SNX29: variants seen among roughly 807,000 people sequenced by gnomAD.
The protein encoded by SNX29 is sorting nexin 29, also known as sorting nexin-29.
In SNX29, 78 loss-of-function variants were observed where a neutral mutation model predicts 102.1. That is an observed-to-expected ratio of 0.76 (90% CI 0.64 to 0.92). The LOEUF (loss-of-function observed/expected upper bound fraction) is 0.92. Ranked by LOEUF, SNX29 falls within the 40% of genes least tolerant of loss-of-function variation. The pLI is 0.00. For missense variants in SNX29, 1,280 were observed against 1,061.7 expected (o/e 1.21, Z -2.86); for synonymous variants, 580 against 414.5 (o/e 1.40, Z -4.85).
chr16:12,385,425 G>A (rs950946598), intron 16 of SNX29, among the ~76,000 whole-genome samples: 3 of 152,112 alleles, frequency 2.0e-5, no homozygotes, highest in African/African-American at 4.8e-5. Context: ...TTCATGGGGC[G>A]GTGGAATTCA....
chr16:12,271,038 C>CA (rs1157297045), intron 14 of SNX29, among the ~76,000 whole-genome samples: 8 of 151,842 alleles, frequency 5.3e-5, no homozygotes, highest in African/African-American at 1.9e-4. Flanking sequence ...ACGAGACTCT[C>CA]AAAAAAATCA....
chr16:12,366,121 A>G (rs76120597), intron 16 of SNX29, among the ~76,000 whole-genome samples: 1 of 149,508 alleles, frequency 6.7e-6, no homozygotes, highest in Non-Finnish European at 1.5e-5. Flanking sequence ...ATATATTTTT[A>G]AAAAAGGACC....
intron 7 of SNX29, among the ~76,000 whole-genome samples, chr16:12,050,721 T>G (rs571095861): frequency 6.6e-6 from 1 of 152,268 alleles, no homozygotes; most frequent in East Asian, 1.9e-4. Context: ...CTGCCACTTT[T>G]TTTTTTTGGA....
At chr16:12,178,655 A>G (rs1327982045) in intron 13 of SNX29, among the ~76,000 whole-genome samples, 2 of 152,240 alleles carry the variant, frequency 1.3e-5, no homozygotes, top group Non-Finnish European at 2.9e-5. Context: ...CTTCCAGGGT[A>G]TGGCCCGGGC....
intron 3 of SNX29, among the ~76,000 whole-genome samples, chr16:12,015,006 T>G (rs1349206643): frequency 6.6e-6 from 1 of 152,070 alleles, no homozygotes; most frequent in East Asian, 1.9e-4. Context: ...TCCCGTTTTT[T>G]CTGTCCTGTA....
intron 19 of SNX29, among the ~76,000 whole-genome samples, chr16:12,507,980 C>T (rs770089905): frequency 2.0e-5 from 3 of 152,204 alleles, no homozygotes; most frequent in Non-Finnish European, 4.4e-5. Context: ...AGCAGAGTAG[C>T]TGGGCCTGGA....
At chr16:12,212,915 A>G (rs1267442484) in intron 14 of SNX29, among the ~76,000 whole-genome samples, 1 of 152,164 alleles carries the variant, frequency 6.6e-6, no homozygotes, top group African/African-American at 2.4e-5. Flanking sequence ...GGAATTTGAG[A>G]CGAGCCTGGC....
intron 3 of SNX29, 119 bp downstream of exon 3, chr16:12,003,162 T>C (rs1023352627): frequency 7.9e-7 from 1 of 1,260,940 alleles, no homozygotes; most frequent in Non-Finnish European, 1.2e-6. Context: ...GGCTGGCTTC[T>C]GGGCTCTGCC....
intron 10 of SNX29, among the ~76,000 whole-genome samples, chr16:12,072,200 CTA>C (rs199748378): frequency 0.056 from 8,520 of 152,290 alleles, 337 homozygotes; most frequent in Non-Finnish European, 0.084. Context: ...ACTTTCAACA[CTA>C]TGTTGAATAG....
At chr16:12,400,285 C>G (rs756034964) in intron 17 of SNX29, among the ~76,000 whole-genome samples, 9 of 152,194 alleles carry the variant, frequency 5.9e-5, no homozygotes, top group Non-Finnish European at 1.2e-4. Context: ...CTGGCAGTTC[C>G]GCTCCTCTAA....
chr16:12,345,964 A>G (rs965280189), intron 15 of SNX29, among the ~76,000 whole-genome samples: 2 of 152,210 alleles, frequency 1.3e-5, no homozygotes, highest in African/African-American at 4.8e-5. Context: ...CAGTCCCGTC[A>G]GCTTCAGCAG....
At chr16:12,532,590 C>T (rs532378254) in intron 20 of SNX29, among the ~76,000 whole-genome samples, 1 of 152,164 alleles carries the variant, frequency 6.6e-6, no homozygotes, top group African/African-American at 2.4e-5. Context: ...TCTGAAATCC[C>T]AGTCTGTCTG....
At chr16:12,430,172 C>G (rs998559136) in intron 18 of SNX29, among the ~76,000 whole-genome samples, 1 of 152,210 alleles carries the variant, frequency 6.6e-6, no homozygotes. Context: ...TGAGGGGAAC[C>G]CTCAGTTCAT....
In SNX29 at chr16:12,129,689, T is replaced by G; in HGVS notation, c.1526T>G (p.Val509Gly). 1 of 1,611,084 alleles carries G rather than the reference T, an allele frequency of 6.2e-7. No homozygotes were observed. The highest frequency in any genetic ancestry group is 8.5e-7 in the Non-Finnish European group (1 of 1,179,554). ...CACTCAGCCGCGCTCCGGCAAGAGG[T>G]GGACACCTTGAAAAGGAAGGTGGCT... is the stretch of plus-strand genomic sequence containing the variant. ...MEHSAALRQE[V>G]DTLKRKVAEQ... The change falls in exon 13 of 21, where the codon GTG becomes GGG. Residue 509 changes from valine to glycine, a missense_variant. Transcript: ENST00000566228.
chr16:12,006,960 C>G (rs1189939144), intron 3 of SNX29, among the ~76,000 whole-genome samples: 1 of 152,160 alleles, frequency 6.6e-6, no homozygotes, highest in Non-Finnish European at 1.5e-5. Context: ...TTCAGAGAGG[C>G]AAAATGCCAT....
intron 14 of SNX29, among the ~76,000 whole-genome samples, chr16:12,213,521 T>C (rs1030300059): frequency 2.0e-5 from 3 of 152,180 alleles, no homozygotes; most frequent in Admixed American, 2.0e-4. Flanking sequence ...CTTTATAGAA[T>C]TGTTTGCAGT....
chr16:12,195,156 T>C (rs2076742401), intron 13 of SNX29, among the ~76,000 whole-genome samples: 1 of 152,200 alleles, frequency 6.6e-6, no homozygotes, highest in African/African-American at 2.4e-5. Context: ...TCAGTGTGAG[T>C]ATATATGTGT....
chr16:12,452,504 T>C (rs1217078569), intron 18 of SNX29, among the ~76,000 whole-genome samples: 2 of 150,526 alleles, frequency 1.3e-5, no homozygotes, highest in African/African-American at 2.5e-5. Flanking sequence ...ACCAGAGGAG[T>C]TCAGAGGAGA....
chr16:12,515,477 T>G, intron 19 of SNX29: 1 of 484,286 alleles, frequency 2.1e-6, no homozygotes, highest in Non-Finnish European at 4.1e-6. Flanking sequence ...GAAATAGAAC[T>G]GAAACCCATT....
Sources: gnomAD v4.1 joint callset for allele counts (sites outside exome capture counted in the v4.1 genomes callset) on GRCh38, gnomAD v4.1.1 for gene constraint, MANE v1.5 for transcripts, NCBI Gene and HGNC (gene_info 2026-07-23, HGNC 2026-07-21) for gene names.